Variants in MACROD2 observed in about 807,000 individuals in gnomAD.
MACROD2 encodes ADP-ribose glycohydrolase MACROD2.
Under a neutral mutation model 70.4 loss-of-function variants are expected in MACROD2, and 36 were observed. The ratio of observed to expected loss-of-function variants is 0.51; its 90% CI spans 0.39 to 0.68. The LOEUF (loss-of-function observed/expected upper bound fraction) is 0.68. Among genes scored for constraint, MACROD2 ranks in the 30% least tolerant of loss-of-function variants. The probability of loss-of-function intolerance (pLI) is 0.00; values close to 1 mark genes in which losing one functional copy is unlikely to be tolerated. For missense variants in MACROD2, 496 were observed against 538.4 expected, an observed-to-expected ratio of 0.92 and a Z score of 0.78; for synonymous variants, 172 against 178.8, an observed-to-expected ratio of 0.96 and a Z score of 0.30.
In MACROD2 at chr20:14,356,293, C is replaced by T. The variant is rs190055111; in HGVS notation, c.272-137186C>T. 3.9e-5 allele frequency among the ~76,000 whole-genome samples: 6 copies of T among 152,194 alleles called. No individual in the cohort carries two copies. The East Asian group carries it at 7.7e-4, about 20-fold the overall frequency. ...AGTATTCCCACATAATAACCTCTTA[C>T]TATTTTTTTAGTAAGTTTTAATAGG... On this transcript the variant is annotated intron_variant, in intron 3 of 17. Coordinates refer to ENST00000684519, the MANE Select transcript of MACROD2 (RefSeq NM_001351661.2).
intron 8 of MACROD2, among the ~76,000 whole-genome samples, chr20:15,767,315 G>A (rs1212963712): frequency 6.6e-6 from 1 of 152,212 alleles, no homozygotes; most frequent in East Asian, 1.9e-4. Flanking sequence ...ACCCAGGACA[G>A]CTGCCTAAGG....
intron 6 of MACROD2, among the ~76,000 whole-genome samples, chr20:15,346,861 G>A (rs1001292314): frequency 1.3e-5 from 2 of 152,176 alleles, no homozygotes; most frequent in African/African-American, 4.8e-5. Flanking sequence ...AGTGTGCTGA[G>A]TCAGGAGATT....
At chr20:14,784,464 C>G (rs190947448) in intron 5 of MACROD2, among the ~76,000 whole-genome samples, 1 of 152,228 alleles carries the variant, frequency 6.6e-6, no homozygotes, top group East Asian at 1.9e-4. Context: ...TAGCACTTCT[C>G]ATAATCTGAC....
intron 10 of MACROD2, among the ~76,000 whole-genome samples, chr20:15,888,763 C>T (rs1568619749): frequency 6.6e-6 from 1 of 152,110 alleles, no homozygotes; most frequent in Non-Finnish European, 1.5e-5. Context: ...TTGGGAGCTA[C>T]TCCCAATTTC....
At chr20:14,335,100 T>C (rs2082913192) in intron 3 of MACROD2, among the ~76,000 whole-genome samples, 1 of 152,208 alleles carries the variant, frequency 6.6e-6, no homozygotes, top group Admixed American at 6.5e-5. Context: ...TTTGTAGGGC[T>C]TAAAACTGTT....
At chr20:14,631,490 G>T (rs987542587) in intron 4 of MACROD2, among the ~76,000 whole-genome samples, 2 of 152,220 alleles carry the variant, frequency 1.3e-5, no homozygotes, top group African/African-American at 4.8e-5. Flanking sequence ...GAAAAACCGG[G>T]CCGGGCACGG....
At chr20:15,492,646 A>G (rs528204634) in intron 7 of MACROD2, among the ~76,000 whole-genome samples, 1 of 152,300 alleles carries the variant, frequency 6.6e-6, no homozygotes, top group East Asian at 1.9e-4. Flanking sequence ...CAACCCAGTG[A>G]TACATCCTTC....
intron 10 of MACROD2, chr20:15,893,704 A>G (rs972909968): frequency 4.4e-6 from 2 of 456,624 alleles, no homozygotes; most frequent in African/African-American, 2.0e-5. Context: ...GAGCAGTACA[A>G]AATTTTAAAG....
chr20:15,706,684 AAC>A (rs2050537238), intron 8 of MACROD2, among the ~76,000 whole-genome samples: 1 of 152,228 alleles, frequency 6.6e-6, no homozygotes. Flanking sequence ...TTCTATTACT[AAC>A]ACATAAAATA....
intron 5 of MACROD2, among the ~76,000 whole-genome samples, chr20:14,708,102 A>G (rs1180000785): frequency 1.3e-5 from 2 of 152,222 alleles, no homozygotes; most frequent in Non-Finnish European, 2.9e-5. Context: ...GGATTGTTCT[A>G]AGGATAATAT....
At chr20:14,903,634 A>G (rs1391401929) in intron 5 of MACROD2, among the ~76,000 whole-genome samples, 1 of 152,126 alleles carries the variant, frequency 6.6e-6, no homozygotes, top group Non-Finnish European at 1.5e-5. Context: ...TAGAATTTTG[A>G]CAGGTTGCAG....
At chr20:14,407,115 G>T (rs1329645815) in intron 3 of MACROD2, among the ~76,000 whole-genome samples, 1 of 9,090 alleles carries the variant, frequency 1.1e-4, no homozygotes. Flanking sequence ...TACTCTAGTG[G>T]CAATGAAAAA....
intron 8 of MACROD2, among the ~76,000 whole-genome samples, chr20:15,696,678 GTT>G (rs374403186): frequency 1.1e-5 from 1 of 88,752 alleles, no homozygotes; most frequent in Admixed American, 1.1e-4. Context: ...TAGTCCTGGA[GTT>G]TTTTTTTTTT....
At chr20:14,125,932 G>A (rs959967481) in intron 3 of MACROD2, among the ~76,000 whole-genome samples, 36 of 152,228 alleles carry the variant, frequency 2.4e-4, no homozygotes, top group African/African-American at 8.4e-4. Flanking sequence ...AAGAACTTCT[G>A]AAATATTCAA....
intron 2 of MACROD2, among the ~76,000 whole-genome samples, chr20:14,084,255 C>G (rs1465776977): frequency 6.6e-6 from 1 of 151,652 alleles, no homozygotes; most frequent in Non-Finnish European, 1.5e-5. Context: ...CCTATCACCT[C>G]TAATCCCCCA....
intron 8 of MACROD2, among the ~76,000 whole-genome samples, chr20:15,658,711 C>T (rs955790652): frequency 1.3e-5 from 2 of 152,196 alleles, no homozygotes; most frequent in Non-Finnish European, 2.9e-5. Context: ...AAGAAACTTT[C>T]TTTTCCAGAT....
At chr20:15,724,938 C>A (rs556655578) in intron 8 of MACROD2, among the ~76,000 whole-genome samples, 1 of 151,968 alleles carries the variant, frequency 6.6e-6, no homozygotes, top group East Asian at 1.9e-4. Flanking sequence ...AAAAATTAGC[C>A]GGGTATGGTG....
intron 3 of MACROD2, among the ~76,000 whole-genome samples, chr20:14,436,776 C>T (rs972435293): frequency 4.6e-5 from 7 of 152,202 alleles, no homozygotes; most frequent in African/African-American, 1.7e-4. Flanking sequence ...CAATTTAACT[C>T]AGTGTCCTTG....
intron 5 of MACROD2, among the ~76,000 whole-genome samples, chr20:14,692,270 C>T (rs2071073840): frequency 6.6e-6 from 1 of 152,198 alleles, no homozygotes; most frequent in South Asian, 2.1e-4. Context: ...TGGTGGAATC[C>T]AGTAGCACCC....
Sources: gnomAD v4.1 joint callset for allele counts (sites outside exome capture counted in the v4.1 genomes callset) on GRCh38, gnomAD v4.1.1 for gene constraint, MANE v1.5 for transcripts, NCBI Gene and HGNC (gene_info 2026-07-23, HGNC 2026-07-21) for gene names.